ETS1: variants seen among roughly 807,000 people sequenced by gnomAD.
ETS1 encodes ETS proto-oncogene 1, transcription factor.
In ETS1, 15 loss-of-function variants were observed where a neutral mutation model predicts 58.6. That is an observed-to-expected ratio of 0.26 (90% confidence interval 0.17 to 0.39). ETS1 has a LOEUF of 0.39. ETS1 is among the 10% of genes least tolerant of loss of function. The probability of loss-of-function intolerance (pLI) is 1.00; values close to 1 mark genes in which losing one functional copy is unlikely to be tolerated. For synonymous variants in ETS1, 214 were observed against 218.2 expected (o/e 0.98, Z 0.17); for missense variants, 417 against 610.5 (o/e 0.68, Z 3.34).
Position 128,480,282 on chromosome 11 carries a change from G to C in ETS1, c.1032C>G (p.Pro344=), listed in dbSNP as rs1253367133. The change falls in exon 8 of 10, where the codon CCC becomes CCG. Residue 344 remains proline, a synonymous_variant. Transcript: ENST00000392668. ...DYPAALPNHK[P]KGTFKDYVRD... ...GCACATAGTCCTTGAAGGTGCCCTTGGGCTTGTGGTTGGGCAGGGCAGCCG... is the reference window on the plus strand; with the variant it reads ...GCACATAGTCCTTGAAGGTGCCCTTCGGCTTGTGGTTGGGCAGGGCAGCCG... 1 of 1,614,030 alleles carries C rather than the reference G, an allele frequency of 6.2e-7. No individual in the cohort carries two copies. The highest frequency in any genetic ancestry group is 1.3e-5 in the African/African-American group (1 of 74,918).
intron 3 of ETS1, among the ~76,000 whole-genome samples, chr11:128,544,802 CTT>C (rs2135545988): frequency 6.6e-6 from 1 of 152,198 alleles, no homozygotes; most frequent in East Asian, 1.9e-4. Flanking sequence ...TTTTAAAAGC[CTT>C]TTGATAGTAA....
At chr11:128,559,378 C>T (rs868691925) in intron 2 of ETS1, among the ~76,000 whole-genome samples, 2 of 152,334 alleles carry the variant, frequency 1.3e-5, no homozygotes, top group South Asian at 4.2e-4. Flanking sequence ...TATTGTAGGT[C>T]AACTCACAGG....
intron 3 of ETS1, among the ~76,000 whole-genome samples, chr11:128,501,771 T>A (rs1366497867): frequency 1.3e-5 from 2 of 152,212 alleles, no homozygotes; most frequent in Admixed American, 6.5e-5. Context: ...TATCATTAGA[T>A]CCACATATCT....
chr11:128,566,935 T>C (rs1481943534), intron 2 of ETS1, among the ~76,000 whole-genome samples: 1 of 152,166 alleles, frequency 6.6e-6, no homozygotes. Flanking sequence ...ATGTCTGGTG[T>C]CAAGAAGACA....
intron 3 of ETS1, among the ~76,000 whole-genome samples, chr11:128,551,137 G>T (rs1472042626): frequency 6.6e-6 from 1 of 152,178 alleles, no homozygotes; most frequent in African/African-American, 2.4e-5. Context: ...AGAAGAGAGG[G>T]GTGCAGCAGA....
intron 1 of ETS1, among the ~76,000 whole-genome samples, chr11:128,581,720 T>C (rs1028286147): frequency 6.6e-6 from 1 of 152,154 alleles, no homozygotes; most frequent in Non-Finnish European, 1.5e-5. Context: ...ATGCTGCCAA[T>C]GAAACCTCTG....
intron 1 of ETS1, among the ~76,000 whole-genome samples, chr11:128,586,470 C>A (rs910952433): frequency 6.6e-6 from 1 of 152,182 alleles, no homozygotes; most frequent in Non-Finnish European, 1.5e-5. Context: ...AAAACCACAA[C>A]TGATGAAAGA....
intron 2 of ETS1, among the ~76,000 whole-genome samples, chr11:128,559,984 G>A (rs1864378903): frequency 6.6e-6 from 1 of 152,108 alleles, no homozygotes; most frequent in Non-Finnish European, 1.5e-5. Context: ...CCCCATCTCT[G>A]CCACATGTTT....
chr11:128,528,726 G>A (rs1006596272), intron 3 of ETS1, among the ~76,000 whole-genome samples: 5 of 152,026 alleles, frequency 3.3e-5, no homozygotes, highest in Admixed American at 6.5e-5. Flanking sequence ...TGCCTAGTTC[G>A]GTCTGAAGTG....
At chr11:128,537,741 G>C (rs1863993073) in intron 3 of ETS1, among the ~76,000 whole-genome samples, 2 of 152,038 alleles carry the variant, frequency 1.3e-5, no homozygotes, top group Admixed American at 6.6e-5. Flanking sequence ...TTGGAATTCT[G>C]TAATAACATG....
At chr11:128,554,360 A>G (rs976756451) in intron 3 of ETS1, among the ~76,000 whole-genome samples, 2 of 152,078 alleles carry the variant, frequency 1.3e-5, no homozygotes, top group African/African-American at 4.8e-5. Flanking sequence ...ATATGCCCCA[A>G]TCTTCTCAAC....
intron 8 of ETS1, among the ~76,000 whole-genome samples, chr11:128,469,503 G>T (rs1329134061): frequency 6.6e-6 from 1 of 152,188 alleles, no homozygotes; most frequent in Non-Finnish European, 1.5e-5. Flanking sequence ...TCTGAGGGTG[G>T]GGTGGGTGAC....
intron 3 of ETS1, among the ~76,000 whole-genome samples, chr11:128,553,431 C>CT (rs1347925455): frequency 6.6e-6 from 1 of 152,058 alleles, no homozygotes; most frequent in African/African-American, 2.4e-5. Context: ...GGGCTCCCCA[C>CT]TTTTTTTCCC....
chr11:128,558,683 A>AAG (rs1565409623), intron 2 of ETS1, among the ~76,000 whole-genome samples: 51 of 147,294 alleles, frequency 3.5e-4, no homozygotes, highest in African/African-American at 1.1e-3. Context: ...AAAAAAAAAA[A>AAG]AGAGAGAGAG....
intron 8 of ETS1, among the ~76,000 whole-genome samples, chr11:128,478,369 A>AAGGG (rs1237861690): frequency 7.9e-5 from 1 of 12,652 alleles, no homozygotes; most frequent in African/African-American, 6.0e-4. Flanking sequence ...AGGAGGAAGG[A>AAGGG]AGGGAGGGAG....
chr11:128,474,491 G>A (rs1193624834), intron 8 of ETS1, among the ~76,000 whole-genome samples: 1 of 152,176 alleles, frequency 6.6e-6, no homozygotes, highest in Non-Finnish European at 1.5e-5. Context: ...TAATTAGATA[G>A]GAGGCAGAAA....
Position 128,485,103 on chromosome 11 carries a change from G to A in ETS1, c.614-32C>T, listed in dbSNP as rs775097970. 14 of 1,594,836 alleles carry A rather than the reference G, an allele frequency of 8.8e-6. No individual in the cohort carries two copies. In the African/African-American group the frequency reaches 1.5e-4, roughly 17 times the overall value. On this transcript the variant is annotated intron_variant, in intron 6 of 9. Transcript: ENST00000392668. ...ACAAAGGGTTTGCAAGTAAAGAGAG[G>A]AGAGATTTGTACCTAAAATAAGCAG...
intron 1 of ETS1, among the ~76,000 whole-genome samples, chr11:128,574,143 G>C (rs1193472021): frequency 6.6e-6 from 1 of 151,682 alleles, no homozygotes; most frequent in Non-Finnish European, 1.5e-5. Flanking sequence ...GTATTTAAAT[G>C]TTTAAATGAT....
At chr11:128,526,785 G>A (rs4936052) in intron 3 of ETS1, 1 of 365,142 alleles carries the variant, frequency 2.7e-6, no homozygotes, top group Non-Finnish European at 5.3e-6. Context: ...GATCACATTT[G>A]TAGTGCCTCT....
Sources: gnomAD v4.1 joint callset for allele counts (sites outside exome capture counted in the v4.1 genomes callset) on GRCh38, gnomAD v4.1.1 for gene constraint, MANE v1.5 for transcripts, NCBI Gene and HGNC (gene_info 2026-07-23, HGNC 2026-07-21) for gene names.